Variants in CCDC39 observed in about 807,000 individuals in gnomAD.
CCDC39 encodes coiled-coil domain-containing protein 39.
In CCDC39, 113 loss-of-function variants were observed where a neutral mutation model predicts 121.0. That is an observed-to-expected ratio of 0.93 (90% confidence interval 0.80 to 1.09). The LOEUF (loss-of-function observed/expected upper bound fraction) is 1.09. Ranked by LOEUF, CCDC39 falls within the 50% of genes least tolerant of loss-of-function variation. CCDC39 has a pLI of 0.00. For missense variants in CCDC39, 1,063 were observed against 1,074.7 expected (o/e 0.99, Z 0.15); for synonymous variants, 349 against 352.2 (o/e 0.99, Z 0.10).
rs183883052 is a variant in CCDC39 at position 180,627,929 on chromosome 3, G to T, written c.1998+3540C>A. On this transcript the variant is annotated intron_variant, in intron 14 of 19. Transcript: ENST00000476379. ...GCAGATATAGTCAAGTTAAATGGAG[G>T]TCATTAGGTTGGTCCTAATCTGATA... Among the ~76,000 whole-genome samples, 22 of 152,294 alleles carry T rather than the reference G, an allele frequency of 1.4e-4. 1 individual carries two copies. The East Asian group carries it at 4.3e-3, about 29-fold the overall frequency.
At chr3:180,664,842 G>A (rs1348268601) in intron 1 of CCDC39, among the ~76,000 whole-genome samples, 2 of 146,266 alleles carry the variant, frequency 1.4e-5, no homozygotes, top group African/African-American at 5.1e-5. Context: ...GATTACAGGT[G>A]CCCACCACTA....
chr3:180,622,159 T>C lies in CCDC39; in HGVS notation c.1999-2189A>G, dbSNP rs549181935. On this transcript the variant is annotated intron_variant, in intron 14 of 19. Transcript: ENST00000476379. ...CTCCTTGGTTAAATACATTTCTAGG[T>C]ACTGTTTTTGTATCTGTTATAAATG... Among the ~76,000 whole-genome samples the C allele has an allele frequency of 5.9e-5, 9 of 152,226 alleles. No individual in the cohort carries two copies. The East Asian group carries it at 1.7e-3, about 29-fold the overall frequency.
intron 13 of CCDC39, among the ~76,000 whole-genome samples, chr3:180,636,951 A>G (rs757783691): frequency 2.6e-5 from 4 of 152,226 alleles, no homozygotes; most frequent in Non-Finnish European, 5.9e-5. Flanking sequence ...AAATATTTAA[A>G]TGTAATACTC....
intron 1 of CCDC39, among the ~76,000 whole-genome samples, chr3:180,676,376 C>G (rs1712206264): frequency 6.6e-6 from 1 of 150,608 alleles, no homozygotes; most frequent in South Asian, 2.1e-4. Context: ...TTTATGCAGC[C>G]AACAGACATG....
At chr3:180,623,079 T>TTAG (rs914686324) in intron 14 of CCDC39, among the ~76,000 whole-genome samples, 10 of 44,442 alleles carry the variant, frequency 2.3e-4, no homozygotes, top group Non-Finnish European at 3.4e-4. Context: ...TTGGAGATTT[T>TTAG]TATTATTATT....
At chr3:180,669,674 T>C (rs1403875104) in intron 1 of CCDC39, among the ~76,000 whole-genome samples, 3 of 152,116 alleles carry the variant, frequency 2.0e-5, no homozygotes, top group Non-Finnish European at 2.9e-5. Flanking sequence ...TTTCCCACAA[T>C]AGATAATGAA....
intron 13 of CCDC39, among the ~76,000 whole-genome samples, chr3:180,638,701 G>A (rs1008771635): frequency 9.2e-5 from 14 of 152,018 alleles, no homozygotes; most frequent in African/African-American, 3.4e-4. Context: ...TCTTTAGGAA[G>A]GGGAAAATAA....
chr3:180,635,005 T>A (rs1560084855), intron 13 of CCDC39, among the ~76,000 whole-genome samples: 1 of 152,166 alleles, frequency 6.6e-6, no homozygotes, highest in Non-Finnish European at 1.5e-5. Flanking sequence ...TGAGACTGGA[T>A]AATTTGCAAT....
At chr3:180,634,662 G>C (rs1717784273) in intron 13 of CCDC39, among the ~76,000 whole-genome samples, 2 of 152,238 alleles carry the variant, frequency 1.3e-5, no homozygotes, top group South Asian at 4.1e-4. Context: ...AGGTGAGAGA[G>C]CAGCCCCCAC....
At chr3:180,641,521 T>C (rs561684864) in intron 13 of CCDC39, among the ~76,000 whole-genome samples, 2 of 152,252 alleles carry the variant, frequency 1.3e-5, no homozygotes, top group African/African-American at 4.8e-5. Context: ...AATGTACTGA[T>C]TGTTAGAACA....
At chr3:180,626,890 C>T (rs1033831492) in intron 14 of CCDC39, among the ~76,000 whole-genome samples, 3 of 152,182 alleles carry the variant, frequency 2.0e-5, no homozygotes, top group Admixed American at 6.5e-5. Context: ...CACAGCCCAG[C>T]GTTAAATTCT....
chr3:180,673,682 C>T (rs1273720267), intron 1 of CCDC39, among the ~76,000 whole-genome samples: 2 of 151,942 alleles, frequency 1.3e-5, no homozygotes, highest in African/African-American at 2.4e-5. Flanking sequence ...ACAAGAAAAA[C>T]GAAGGTATGT....
chr3:180,637,040 T>A (rs1717845679), intron 13 of CCDC39, among the ~76,000 whole-genome samples: 1 of 152,088 alleles, frequency 6.6e-6, no homozygotes, highest in South Asian at 2.1e-4. Context: ...ATGATGAAGA[T>A]GCCAAAAGCA....
Position 180,615,005 on chromosome 3 carries a change from G to T in CCDC39, c.2742C>A (p.Ser914=). 2 of 1,561,718 alleles carry T rather than the reference G, an allele frequency of 1.3e-6. No individual in the cohort carries two copies. The highest frequency in any genetic ancestry group is 2.4e-5 in the South Asian group (2 of 84,580). Residue 914 remains serine, a synonymous_variant, in exon 20 of 20, where the codon TCC becomes TCA. Coordinates refer to ENST00000476379, the MANE Select transcript of CCDC39 (RefSeq NM_181426.2). The part of the protein sequence containing the change: ...IKVLELKFPA[S]SSLVGSPSRP... ...TAGAAGGGCTGCCTACTAGTGAAGAGGAGGCCGGGAATTTAAGCTCCAGTA... is the reference window on the plus strand; with the variant it reads ...TAGAAGGGCTGCCTACTAGTGAAGATGAGGCCGGGAATTTAAGCTCCAGTA...
chr3:180,670,300 G>A (rs1712002565), intron 1 of CCDC39, among the ~76,000 whole-genome samples: 1 of 151,022 alleles, frequency 6.6e-6, no homozygotes, highest in Non-Finnish European at 1.5e-5. Flanking sequence ...GTACAGTGGT[G>A]TGTATGGAAG....
chr3:180,679,165 G>A lies in CCDC39; in HGVS notation c.90+126C>T, dbSNP rs1712320621. The A allele has an allele frequency of 5.2e-6, 4 of 762,290 alleles. No individual in the cohort carries two copies. The highest frequency in any genetic ancestry group is 5.1e-5 in the African/African-American group (3 of 58,330). 47.2% of individuals were successfully genotyped at this position (762,290 alleles called of 1,614,324 possible). Reference sequence around the variant, plus strand: ...TAAGGGAGGAGGGCGATGGTGCGGGGGAGTGTTAGAGGAAGCACAGGATTA... The same window carrying A: ...TAAGGGAGGAGGGCGATGGTGCGGGAGAGTGTTAGAGGAAGCACAGGATTA... On this transcript the variant is annotated intron_variant, in intron 1 of 19. Coordinates refer to ENST00000476379, the MANE Select transcript of CCDC39 (RefSeq NM_181426.2). This position sits in a 1 kb window ranked among gnomAD's most constrained non-coding sequence, Gnocchi z 4.0.
intron 9 of CCDC39, among the ~76,000 whole-genome samples, chr3:180,649,838 G>A (rs1375295043): frequency 6.6e-6 from 1 of 152,182 alleles, no homozygotes; most frequent in African/African-American, 2.4e-5. Context: ...ATTTCACAGT[G>A]TTTACAGGTT....
chr3:180,638,205 T>G (rs1717876146), intron 13 of CCDC39, among the ~76,000 whole-genome samples: 1 of 152,058 alleles, frequency 6.6e-6, no homozygotes, highest in Non-Finnish European at 1.5e-5. Flanking sequence ...GTCCCAAAGC[T>G]TCCAGAAAGA....
At chr3:180,660,884 T>C (rs189315898) in intron 3 of CCDC39, among the ~76,000 whole-genome samples, 156 bp from the exon 4 acceptor site, 1 of 152,200 alleles carries the variant, frequency 6.6e-6, no homozygotes. Flanking sequence ...CATATTTTAA[T>C]AATATAAACT....
Sources: allele counts gnomAD v4.1 joint callset (sites outside exome capture counted in the v4.1 genomes callset), GRCh38; gene constraint gnomAD v4.1.1; non-coding constraint Gnocchi (gnomAD v3.1); transcripts MANE v1.5; gene names NCBI Gene and HGNC (gene_info 2026-07-23, HGNC 2026-07-21).